GATAD1: variants seen among roughly 807,000 people sequenced by gnomAD.
The protein encoded by GATAD1 is GATA zinc finger domain-containing protein 1.
GATAD1 carries 12 observed loss-of-function variants against 26.5 expected under a neutral mutation model. The observed-to-expected ratio is 0.45, with a 90% confidence interval of 0.29 to 0.73. GATAD1 has a LOEUF of 0.73. GATAD1 is among the 30% of genes least tolerant of loss of function. The pLI is 0.10. For missense variants in GATAD1, 266 were observed against 342.1 expected (o/e 0.78, Z 1.75); for synonymous variants, 129 against 133.1 (o/e 0.97, Z 0.21).
chr7:92,482,766 G>C, the GATAD1 span, among the ~76,000 whole-genome samples: 2 of 152,150 alleles, frequency 1.3e-5, no homozygotes, highest in East Asian at 3.9e-4. Flanking sequence ...GGCCTAATAA[G>C]GGAACTGGGC....
At chr7:92,453,091 A>G (rs58704471) in intron 3 of GATAD1, among the ~76,000 whole-genome samples, 3,958 of 152,280 alleles carry the variant, frequency 0.026, 210 homozygotes, top group African/African-American at 0.09. Context: ...CCACCCTCAG[A>G]CACTTGGATA....
At chr7:92,489,291 A>G in the GATAD1 span, 1 of 1,613,152 alleles carries the variant, frequency 6.2e-7, no homozygotes, top group South Asian at 1.1e-5. Context: ...TCTGTTACTT[A>G]CAGCTCAGCA....
chr7:92,461,572 T>A (rs992562761), downstream of GATAD1, among the ~76,000 whole-genome samples: 3 of 152,252 alleles, frequency 2.0e-5, no homozygotes, highest in African/African-American at 4.8e-5. Context: ...ATCTTTTTGC[T>A]ATGAATATGT....
chr7:92,480,285 A>G, the GATAD1 span, among the ~76,000 whole-genome samples: 1 of 152,180 alleles, frequency 6.6e-6, no homozygotes, highest in African/African-American at 2.4e-5. Flanking sequence ...AAAGGCCTCT[A>G]CCCATCCAGT....
chr7:92,468,716 C>T, the GATAD1 span: 14 of 672,674 alleles, frequency 2.1e-5, no homozygotes, highest in Non-Finnish European at 3.7e-5. Context: ...AGTCCCCCAT[C>T]TCAACAGGAA....
the GATAD1 span, chr7:92,494,489 T>C: frequency 1.2e-6 from 2 of 1,613,594 alleles, no homozygotes; most frequent in Non-Finnish European, 1.7e-6. Flanking sequence ...ATTATTACCC[T>C]GTAAGCCTTC....
the GATAD1 span, chr7:92,474,617 C>T: frequency 6.6e-6 from 1 of 152,194 alleles, no homozygotes; most frequent in African/African-American, 2.4e-5. Context: ...CTATCATTGA[C>T]CTGACTGAGA....
the GATAD1 span, chr7:92,469,931 G>T: frequency 1.3e-6 from 1 of 778,360 alleles, no homozygotes; most frequent in East Asian, 2.4e-5. Flanking sequence ...AGTTTTGAGA[G>T]ATCTAGTCCT....
chr7:92,461,100 A>G (rs1057048239), downstream of GATAD1, among the ~76,000 whole-genome samples: 3 of 152,210 alleles, frequency 2.0e-5, no homozygotes, highest in Non-Finnish European at 4.4e-5. Flanking sequence ...TTATTTTCCT[A>G]TATTCACATC....
At chr7:92,480,849 C>T in the GATAD1 span, among the ~76,000 whole-genome samples, 1 of 152,148 alleles carries the variant, frequency 6.6e-6, no homozygotes, top group Non-Finnish European at 1.5e-5. Flanking sequence ...GGAAGTAAAG[C>T]AGCCTTGAGA....
the GATAD1 span, among the ~76,000 whole-genome samples, chr7:92,481,449 T>A: frequency 1.3e-5 from 2 of 152,198 alleles, no homozygotes; most frequent in Non-Finnish European, 2.9e-5. Flanking sequence ...GCATAGTTTG[T>A]GATTTTGAGG....
At chr7:92,464,725 A>G (rs1251336429), downstream of GATAD1, among the ~76,000 whole-genome samples, 1 of 152,204 alleles carries the variant, frequency 6.6e-6, no homozygotes, top group African/African-American at 2.4e-5. Context: ...AGGCCATAAA[A>G]GGACAACCAG....
At chr7:92,489,294 G>A in the GATAD1 span, 1 of 1,613,206 alleles carries the variant, frequency 6.2e-7, no homozygotes, top group Non-Finnish European at 8.5e-7. Context: ...GTTACTTACA[G>A]CTCAGCAAAA....
intron 3 of GATAD1, 56 bp from the exon 4 acceptor site, chr7:92,454,446 T>A: frequency 7.5e-7 from 1 of 1,331,324 alleles, no homozygotes; most frequent in Non-Finnish European, 1.1e-6. Context: ...GGTTCATTCA[T>A]AGCTGTGATG....
chr7:92,449,273 G>T (rs1789315602), intron 2 of GATAD1: 1 of 778,344 alleles, frequency 1.3e-6, no homozygotes, highest in African/African-American at 1.9e-5. Context: ...ATTAACACTA[G>T]AACTCATCAT....
chr7:92,476,796 G>A, the GATAD1 span, among the ~76,000 whole-genome samples: 3 of 152,096 alleles, frequency 2.0e-5, no homozygotes, highest in Non-Finnish European at 4.4e-5. Context: ...AGAGCTGTAT[G>A]CCTAAATTGG....
At chr7:92,480,816 AGTGT>A in the GATAD1 span, among the ~76,000 whole-genome samples, 1 of 152,104 alleles carries the variant, frequency 6.6e-6, no homozygotes, top group East Asian at 1.9e-4. Context: ...TGGCCCTTGC[AGTGT>A]GTGACTCCAG....
chr7:92,447,962 G>C lies in GATAD1; in HGVS notation c.233G>C (p.Gly78Ala). ...GCCACCCCTCCGCAGAGCAACGGGG[G>C]CGGGGGCGGCAAGCAGGTGAGCTCC... is the stretch of plus-strand genomic sequence containing the variant. ...TSATPPQSNG[G>A]GGGKQSKQEI... The change falls in exon 1 of 5, where the codon GGC (glycine) becomes GCC (alanine). Residue 78 changes from glycine to alanine, a missense_variant. By Grantham distance (60) the Gly-to-Ala change is moderately conservative. Coordinates refer to ENST00000287957, the MANE Select transcript of GATAD1 (RefSeq NM_021167.5). 8.2e-7 allele frequency: 1 copy of C among 1,223,862 alleles called. No individual in the cohort carries two copies. Among genetic ancestry groups the C allele is most frequent in the Non-Finnish European group, 1.0e-6 (1 of 983,638 alleles). The allele number at this position is 1,223,862 out of a possible 1,614,324, so 75.8% of individuals were successfully genotyped here.
At chr7:92,469,902 G>T in the GATAD1 span, 2 of 778,712 alleles carry the variant, frequency 2.6e-6, no homozygotes, top group South Asian at 1.3e-5. Flanking sequence ...GGCGAGTATG[G>T]GTACGGAGGG....
Sources: gnomAD v4.1 joint callset for allele counts (sites outside exome capture counted in the v4.1 genomes callset) on GRCh38, gnomAD v4.1.1 for gene constraint, MANE v1.5 for transcripts, NCBI Gene and HGNC (gene_info 2026-07-23, HGNC 2026-07-21) for gene names.